The following COL2A1 variants were observed in gnomAD, a reference collection of about 807,000 sequenced individuals.
COL2A1 encodes collagen alpha-1(II) chain.
Under a neutral mutation model 204.5 loss-of-function variants are expected in COL2A1, and 28 were observed. The ratio of observed to expected loss-of-function variants is 0.14; its 90% CI spans 0.10 to 0.19. The LOEUF (loss-of-function observed/expected upper bound fraction) is 0.19, where lower values mean the gene tolerates loss of function less well. Among genes scored for constraint, COL2A1 ranks in the 10% least tolerant of loss-of-function variants. The pLI is 1.00. For synonymous variants in COL2A1, 708 were observed against 718.7 expected, an observed-to-expected ratio of 0.99 and a Z score of 0.24; for missense variants, 1,388 against 2,027.5, an observed-to-expected ratio of 0.68 and a Z score of 6.06.
intron 14 of COL2A1, 54 bp from the exon 15 acceptor site, chr12:47,993,556 C>T (rs974728230): frequency 6.6e-7 from 1 of 1,524,722 alleles, no homozygotes; most frequent in Non-Finnish European, 9.1e-7. Flanking sequence ...TGGCCGCCAG[C>T]AAACTCCTAG....
rs1190000009 is a variant in COL2A1, at chr12:47,976,396, G to T, written c.3489+118C>A. ...ATGAGCCAGTCCTGCCCCCATTACT[G>T]AGTGAGGACCCCTGAGCCCACAGCT... On this transcript the variant is annotated intron_variant, in intron 49 of 53. Transcript: ENST00000380518. This position sits in a 1 kb window ranked among gnomAD's most constrained non-coding sequence, Gnocchi z 4.3. 8.5e-7 allele frequency: 1 copy of T among 1,170,468 alleles called. No homozygotes were observed. Among genetic ancestry groups the T allele is most frequent in the Admixed American group, 1.8e-5 (1 of 56,664 alleles). 72.5% of individuals were successfully genotyped at this position (1,170,468 alleles called of 1,614,324 possible). A position where few individuals can be genotyped will look rare whatever the true frequency, so the allele number is the denominator to read the frequency against.
rs775135288 is a variant in COL2A1 at position 47,978,790 on chromosome 12, C to T, written c.2734-32G>A. The stretch of plus-strand genomic sequence containing the variant: ...GGAGAAAATGCGGGAAGTGAGGACT[C>T]ATCTCACCCTTCCTCATCCAGGCTG... On this transcript the variant is annotated intron_variant, in intron 41 of 53. Transcript: ENST00000380518. The surrounding 1 kb of genome is among the most constrained non-coding windows in gnomAD (Gnocchi z 5.5). 3.9e-5 allele frequency: 62 copies of T among 1,607,158 alleles called. No homozygotes were observed. The highest frequency in any genetic ancestry group is 6.7e-5 in the Admixed American group (4 of 59,826).
At chr12:47,996,001 G>T (rs777827674) in intron 8 of COL2A1, 82 bp from the exon 9 acceptor site, 31 of 1,165,628 alleles carry the variant, frequency 2.7e-5, no homozygotes, top group Middle Eastern at 2.3e-4. Context: ...CCAGCCAACA[G>T]CCCGGGCAAA....
In COL2A1 at chr12:47,980,489, C is replaced by T. The variant is rs1010783625; in HGVS notation, c.2625+65G>A. 18 of 1,414,290 alleles carry T rather than the reference C, an allele frequency of 1.3e-5. No individual in the cohort carries two copies. The African/African-American group carries it at 2.0e-4, about 16-fold the overall frequency. The allele number at this position is 1,414,290 out of a possible 1,614,324, so 87.6% of individuals were successfully genotyped here. ...CATCCTCTGCGCAGCCTGCTGGGGC[C>T]TTCCCATCTGCACGCCAGGAGCCCT... On this transcript the variant is annotated intron_variant, in intron 39 of 53. Transcript: ENST00000380518. The surrounding 1 kb of genome is among the most constrained non-coding windows in gnomAD (Gnocchi z 4.5).
intron 16 of COL2A1, 23 bp downstream of exon 16, chr12:47,992,855 G>A: frequency 6.2e-7 from 1 of 1,613,630 alleles, no homozygotes; most frequent in South Asian, 1.1e-5. Flanking sequence ...AAATGGTGGT[G>A]TTTGGCTTTG....
chr12:47,994,131 C>G (rs1939834938), intron 12 of COL2A1, 84 bp from the exon 13 acceptor site: 7 of 1,476,308 alleles, frequency 4.7e-6, no homozygotes, highest in Non-Finnish European at 5.7e-6. Context: ...GCCTCCAGTT[C>G]CCTTGGGCCA....
At chr12:47,994,072 AG>A (rs749530556) in intron 12 of COL2A1, 25 bp from the exon 13 acceptor site, 2 of 1,613,724 alleles carry the variant, frequency 1.2e-6, no homozygotes, top group African/African-American at 2.7e-5. Flanking sequence ...GGAGGTGTTC[AG>A]AGCACAGAGT....
intron 1 of COL2A1, among the ~76,000 whole-genome samples, chr12:48,003,713 C>A (rs937067971): frequency 2.6e-5 from 4 of 152,100 alleles, no homozygotes; most frequent in African/African-American, 9.7e-5. Flanking sequence ...GAGTGTTAGT[C>A]CCCTTTGTCT....
At chr12:47,989,161 A>C (rs909829718) in intron 18 of COL2A1, 67 bp downstream of exon 18, 2 of 1,373,380 alleles carry the variant, frequency 1.5e-6, no homozygotes, top group Non-Finnish European at 2.1e-6. Flanking sequence ...AGCAATGAGC[A>C]AGGGTTACGG....
chr12:47,979,989 G>T lies in COL2A1; in HGVS notation c.2679+20C>A, dbSNP rs778307149. The T allele has an allele frequency of 5.2e-6, 8 of 1,549,600 alleles. No homozygotes were observed. The Admixed American group carries it at 1.2e-4, about 23-fold the overall frequency. ...GCCTCTTTGTGAGGTGCAGGGTGGG[G>T]TGTCAGAGGCCTCACTCACCGGGGG... On this transcript the variant is annotated intron_variant, in intron 40 of 53. Coordinates refer to ENST00000380518, the MANE Select transcript of COL2A1 (RefSeq NM_001844.5).
rs1208388893 is a variant in COL2A1 at position 47,975,482 on chromosome 12, C to T, written c.3721G>A (p.Ala1241Thr). The T allele has an allele frequency of 3.1e-6, 5 of 1,613,710 alleles. No homozygotes were observed. The highest frequency in any genetic ancestry group is 4.2e-6 in the Non-Finnish European group (5 of 1,180,028). ...KGPDPLQYMR[A>T]DQAAGGLRQH... ...CTCAGGCCACCGGCTGCCTGGTCGG[C>T]CCGCATGTACTGCAGGGGGTCGGGG... The change falls in exon 51 of 54, where the codon GCC becomes ACC. Residue 1241 changes from alanine to threonine, a missense_variant. Physicochemically the swap from Ala to Thr is moderately conservative, Grantham distance 58. This residue lies in a region of COL2A1 where 303 missense variants were observed against 369.2 expected (regional missense o/e 0.82). Transcript: ENST00000380518.
chr12:47,983,631 G>A, intron 30 of COL2A1, 52 bp downstream of exon 30: 3 of 1,562,918 alleles, frequency 1.9e-6, no homozygotes, highest in Non-Finnish European at 2.6e-6. Context: ...CTGTCCCAGG[G>A]AGCCCTGGGT....
At chr12:47,999,723 C>A (rs1940143276) in intron 2 of COL2A1, 196 bp downstream of exon 2, 1 of 535,718 alleles carries the variant, frequency 1.9e-6, no homozygotes, top group Admixed American at 3.4e-5. Context: ...AAAGAAGGAC[C>A]CCTCTAGTGT....
At chr12:47,979,882 T>G (rs1272368656) in intron 40 of COL2A1, 127 bp downstream of exon 40, 2 of 881,734 alleles carry the variant, frequency 2.3e-6, no homozygotes, top group Non-Finnish European at 3.5e-6. Context: ...GTGGGTGGGC[T>G]TAGGCTGGGG....
At chr12:47,992,677 C>T (rs1191736331) in intron 16 of COL2A1, among the ~76,000 whole-genome samples, 1 of 152,270 alleles carries the variant, frequency 6.6e-6, no homozygotes, top group East Asian at 1.9e-4. Context: ...TTTCACCCAT[C>T]GACCCTCCCA....
rs755705390 is a variant in COL2A1, at chr12:47,999,997, C to A, written c.214G>T (p.Val72Leu). 6.2e-7 allele frequency: 1 copy of A among 1,614,100 alleles called. No homozygotes were observed. The highest frequency in any genetic ancestry group is 2.2e-5 in the East Asian group (1 of 44,900). ...VLCDDIICED[V>L]KDCLSPEIPF... ...ATCTCAGGGCTGAGGCAGTCTTTCA[C>A]GTCTTCACAGATTATGTCGTCGCAG... Residue 72 changes from valine to leucine, a missense_variant, in exon 2 of 54, where the codon GTG becomes TTG. This residue lies in a region of COL2A1 where 201 missense variants were observed against 242.4 expected (regional missense o/e 0.83). Coordinates refer to ENST00000380518, the MANE Select transcript of COL2A1 (RefSeq NM_001844.5).
chr12:47,986,839 T>A lies in COL2A1; in HGVS notation c.1415A>T (p.Glu472Val). Residue 472 changes from glutamate (E) to valine (V), a missense_variant, in exon 22 of 54, where the codon GAA (glutamate) becomes GTA (valine). Glu to Val is a moderately radical substitution (Grantham distance 121). Coordinates refer to ENST00000380518, the MANE Select transcript of COL2A1 (RefSeq NM_001844.5). ...GGCTTGGGGGCAGATACTCACAGGT[T>A]CTCCCTTGGGGCCTTGTTCACCTTT... Reference protein sequence around the residue: ...GFKGEQGPKGEPGPAGPQGAP... With the variant: ...GFKGEQGPKGVPGPAGPQGAP... 1 of 1,613,988 alleles carries A rather than the reference T, an allele frequency of 6.2e-7. No individual in the cohort carries two copies. Among genetic ancestry groups the A allele is most frequent in the Non-Finnish European group, 8.5e-7 (1 of 1,179,960 alleles).
At chr12:48,001,635 A>T (rs543865165) in intron 1 of COL2A1, among the ~76,000 whole-genome samples, 24 of 152,306 alleles carry the variant, frequency 1.6e-4, no homozygotes, top group Non-Finnish European at 3.2e-4. Flanking sequence ...GCGCCGGCGC[A>T]GGGGCGGGGC....
chr12:47,973,347 T>C lies in COL2A1; in HGVS notation c.*60A>G. The C allele has an allele frequency of 6.2e-7, 1 of 1,610,510 alleles. No individual in the cohort carries two copies. The highest frequency in any genetic ancestry group is 8.5e-7 in the Non-Finnish European group (1 of 1,176,692). On this transcript the variant is annotated 3_prime_UTR_variant, in exon 54 of 54. Coordinates refer to ENST00000380518, the MANE Select transcript of COL2A1 (RefSeq NM_001844.5). ...TGCAGAGTCCTAGAGTGACTGAGAT[T>C]GGAAAGTACTTGGGTCCTTTGGGTT...
Sources: allele counts gnomAD v4.1 joint callset (sites outside exome capture counted in the v4.1 genomes callset), GRCh38; gene constraint gnomAD v4.1.1; regional missense constraint gnomAD v4.1.1; non-coding constraint Gnocchi (gnomAD v3.1); transcripts MANE v1.5; gene names NCBI Gene and HGNC (gene_info 2026-07-23, HGNC 2026-07-21).